Variants in BICRA observed in about 807,000 individuals in gnomAD.
BICRA encodes BRD4 interacting chromatin remodeling complex associated protein.
In BICRA, 31 loss-of-function variants were observed where a neutral mutation model predicts 96.9. The ratio of observed to expected loss-of-function variants is 0.32; its 90% CI spans 0.24 to 0.43. BICRA has a LOEUF of 0.43. Ranked by LOEUF, BICRA falls within the 20% of genes least tolerant of loss-of-function variation. The pLI, the probability that BICRA is intolerant of heterozygous loss-of-function variation, is 1.00. For missense variants in BICRA, 2,283 were observed against 2,190.3 expected (o/e 1.04, Z -0.84); for synonymous variants, 1,350 against 1,071.8 (o/e 1.26, Z -5.07).
chr19:47,638,134 T>C (rs1470091729), intron 1 of BICRA, among the ~76,000 whole-genome samples: 1 of 152,080 alleles, frequency 6.6e-6, no homozygotes, highest in East Asian at 1.9e-4. Flanking sequence ...CTGCTCTTTC[T>C]TTGTGTATCT....
chr19:47,620,595 A>G (rs78396640), intron 1 of BICRA, among the ~76,000 whole-genome samples: 5,090 of 147,852 alleles, frequency 0.034, 255 homozygotes, highest in African/African-American at 0.12. Context: ...ACTTGAGCCC[A>G]GAAGGTCGAG....
At chr19:47,695,342 T>TCGGGGGGGGGCCCCCCC in intron 9 of BICRA, 23 bp from the exon 10 acceptor site, 1 of 630,198 alleles carries the variant, frequency 1.6e-6, no homozygotes, top group Non-Finnish European at 2.8e-6. Flanking sequence ...AGGCCCTGTC[T>TCGGGGGGGGGCCCCCCC]CCCCCACCCC....
intron 1 of BICRA, among the ~76,000 whole-genome samples, chr19:47,636,537 A>C (rs1972303045): frequency 1.3e-5 from 2 of 151,606 alleles, no homozygotes; most frequent in African/African-American, 4.9e-5. Context: ...ATTGAGATGG[A>C]GTCTCTGTCA....
At chr19:47,612,885 A>G (rs1277030434) in intron 1 of BICRA, among the ~76,000 whole-genome samples, 2 of 151,770 alleles carry the variant, frequency 1.3e-5, no homozygotes. Context: ...CCCCGCAGCC[A>G]CTGTCCCCTC....
chr19:47,657,562 A>G (rs1318180028), intron 1 of BICRA, among the ~76,000 whole-genome samples: 1 of 151,726 alleles, frequency 6.6e-6, no homozygotes, highest in African/African-American at 2.4e-5. Context: ...ACTCCCGGCT[A>G]ATATTTTGTA....
intron 1 of BICRA, among the ~76,000 whole-genome samples, chr19:47,667,899 A>G (rs1192987643): frequency 6.6e-6 from 1 of 152,150 alleles, no homozygotes; most frequent in African/African-American, 2.4e-5. Context: ...GTAGTGGTGA[A>G]GGGCGAGGCC....
In BICRA at chr19:47,680,300, C is replaced by T. The variant is rs1166501237; in HGVS notation, c.1130C>T (p.Thr377Met). 1 of 1,554,140 alleles carries T rather than the reference C, an allele frequency of 6.4e-7. No homozygotes were observed. Among genetic ancestry groups the T allele is most frequent in the South Asian group, 1.2e-5 (1 of 85,396 alleles). Residue 377 changes from threonine to methionine, a missense_variant, in exon 6 of 15, where the codon ACG becomes ATG. Transcript: ENST00000594866. ...AAGCCGTTTGCGCCCGCGGGCGCCA[C>T]GCTCACCATCCAGGGCGAGCCGGGG... ...TPKPFAPAGA[T>M]LTIQGEPGAL... is the part of the protein sequence containing the mutation.
chr19:47,685,245 C>T (rs1252923557), intron 7 of BICRA, among the ~76,000 whole-genome samples: 2 of 152,124 alleles, frequency 1.3e-5, no homozygotes, highest in Non-Finnish European at 2.9e-5. Context: ...CTTGGCTTCT[C>T]ACAGGGCTGG....
chr19:47,673,362 T>C (rs1456477263), intron 2 of BICRA, among the ~76,000 whole-genome samples: 2 of 151,688 alleles, frequency 1.3e-5, no homozygotes, highest in East Asian at 3.9e-4. Flanking sequence ...AGAGTTGGAG[T>C]GGGAGGAAAA....
At chr19:47,695,342 T>TCG in intron 9 of BICRA, 23 bp from the exon 10 acceptor site, 2 of 630,190 alleles carry the variant, frequency 3.2e-6, no homozygotes, top group South Asian at 1.9e-5. Context: ...AGGCCCTGTC[T>TCG]CCCCCACCCC....
chr19:47,621,485 A>T (rs1392323312), intron 1 of BICRA, among the ~76,000 whole-genome samples: 68 of 137,030 alleles, frequency 5.0e-4, no homozygotes, highest in African/African-American at 1.6e-3. Flanking sequence ...TTTTTTTTTT[A>T]AATGCGAGAT....
intron 1 of BICRA, among the ~76,000 whole-genome samples, chr19:47,637,276 C>A (rs1972313808): frequency 6.6e-6 from 1 of 151,980 alleles, no homozygotes; most frequent in South Asian, 2.1e-4. Flanking sequence ...CCCGCCACCA[C>A]ACCCGGCTAA....
At chr19:47,614,928 C>A (rs1393239834) in intron 1 of BICRA, among the ~76,000 whole-genome samples, 4 of 152,134 alleles carry the variant, frequency 2.6e-5, no homozygotes, top group African/African-American at 9.7e-5. Flanking sequence ...AGATCAAGGG[C>A]CAGTGATTTG....
In BICRA at chr19:47,672,981, A is replaced by G. The variant is rs181716260; in HGVS notation, c.-5-589A>G. Among the ~76,000 whole-genome samples, 162 of 152,060 alleles carry G rather than the reference A, an allele frequency of 1.1e-3. No individual in the cohort carries two copies. In the Middle Eastern group the frequency reaches 0.017, roughly 16 times the overall value. ...CTCCCCTTCCTTGGGAACACATTGC[A>G]GACATCTTCAAGGGTCACCCAGAGC... is the stretch of plus-strand genomic sequence containing the variant. On this transcript the variant is annotated intron_variant, in intron 2 of 14. Coordinates refer to ENST00000594866, the MANE Select transcript of BICRA (RefSeq NM_001394372.1).
In BICRA at chr19:47,699,682, C is replaced by G. The variant is rs11881998; in HGVS notation, c.3595+277C>G. On this transcript the variant is annotated intron_variant, in intron 14 of 14. Coordinates refer to ENST00000594866, the MANE Select transcript of BICRA (RefSeq NM_001394372.1). This position sits in a 1 kb window ranked among gnomAD's most constrained non-coding sequence, Gnocchi z 5.0. Reference sequence around the variant, plus strand: ...ATATTTCTGCCACCCCCGTGGGACACAAAACAGGAGAGCAGGCGCCTAGGT... The same window carrying G: ...ATATTTCTGCCACCCCCGTGGGACAGAAAACAGGAGAGCAGGCGCCTAGGT... Among the ~76,000 whole-genome samples, 2,367 of 152,310 alleles carry G rather than the reference C, an allele frequency of 0.016. 54 individuals carry two copies. The highest frequency in any genetic ancestry group is 0.05 in the African/African-American group (2,081 of 41,546).
At chr19:47,658,759 G>A (rs975308335) in intron 1 of BICRA, among the ~76,000 whole-genome samples, 1 of 152,034 alleles carries the variant, frequency 6.6e-6, no homozygotes, top group Non-Finnish European at 1.5e-5. Context: ...GCCGCACCGG[G>A]ACCTGCCGAT....
At chr19:47,619,823 G>C (rs1972039135) in intron 1 of BICRA, among the ~76,000 whole-genome samples, 1 of 152,218 alleles carries the variant, frequency 6.6e-6, no homozygotes, top group South Asian at 2.1e-4. Context: ...TTGAGTCCAG[G>C]AGGCTGAGGC....
chr19:47,702,350 A>G lies in BICRA; in HGVS notation c.4618A>G (p.Arg1540Gly), dbSNP rs747804910. Residue 1540 changes from arginine (R) to glycine (G), a missense_variant, in exon 15 of 15, where the codon AGG becomes GGG. By Grantham distance (125) the Arg-to-Gly change is moderately radical. Coordinates refer to ENST00000594866, the MANE Select transcript of BICRA (RefSeq NM_001394372.1). ...CCCCGCATCCCCGCCGCCCCTGCAC[A>G]GGCCCGAGGCCTACCCACCCTCCAG... ...GTPASPPPLHRPEAYPPSSHN... is the reference protein window; with the variant it reads ...GTPASPPPLHGPEAYPPSSHN... 21 of 1,533,298 alleles carry G rather than the reference A, an allele frequency of 1.4e-5. No homozygotes were observed. Among genetic ancestry groups the G allele is most frequent in the Non-Finnish European group, 1.8e-5 (21 of 1,151,162 alleles). The allele number at this position is 1,533,298 out of a possible 1,614,324, so 95.0% of individuals were successfully genotyped here.
intron 1 of BICRA, among the ~76,000 whole-genome samples, chr19:47,626,764 T>C (rs185500362): frequency 2.2e-5 from 3 of 134,330 alleles, no homozygotes; most frequent in Non-Finnish European, 3.1e-5. Context: ...CTCGGTCACC[T>C]AGGCTGGAGT....
Sources: gnomAD v4.1 joint callset for allele counts (sites outside exome capture counted in the v4.1 genomes callset) on GRCh38, gnomAD v4.1.1 for gene constraint, Gnocchi (gnomAD v3.1) non-coding constraint, MANE v1.5 for transcripts, NCBI Gene and HGNC (gene_info 2026-07-23, HGNC 2026-07-21) for gene names.